The following TEX36 variants were observed in gnomAD, a reference collection of about 807,000 sequenced individuals.
TEX36 encodes testis-expressed protein 36.
TEX36 carries 12 observed loss-of-function variants against 13.6 expected under a neutral mutation model. The ratio of observed to expected loss-of-function variants is 0.88; its 90% confidence interval spans 0.56 to 1.43. The LOEUF (loss-of-function observed/expected upper bound fraction) is 1.43. Ranked by LOEUF, TEX36 falls within the 40% of genes most tolerant of loss-of-function variation. The probability of loss-of-function intolerance (pLI) is 0.00; values close to 1 mark genes in which losing one functional copy is unlikely to be tolerated. For missense variants in TEX36, 224 were observed against 228.3 expected (o/e 0.98, Z 0.12); for synonymous variants, 93 against 83.0 (o/e 1.12, Z -0.65).
downstream of TEX36, among the ~76,000 whole-genome samples, chr10:125,654,737 C>CT (rs958718896): frequency 1.3e-5 from 2 of 152,104 alleles, no homozygotes; most frequent in African/African-American, 4.8e-5. Context: ...AACAAGGTAC[C>CT]TTTTTTCCCC....
chr10:125,658,401 G>T (rs1040450147), intron 3 of TEX36, among the ~76,000 whole-genome samples: 1 of 151,680 alleles, frequency 6.6e-6, no homozygotes, highest in African/African-American at 2.4e-5. Context: ...AGAAAGATAA[G>T]GTATTAAACT....
At chr10:125,590,805 A>G (rs147240238) in intron 3 of TEX36, among the ~76,000 whole-genome samples, 1,683 of 152,300 alleles carry the variant, frequency 0.011, 16 homozygotes, top group Admixed American at 0.025. Flanking sequence ...GTTTACACAA[A>G]CATGATGACA....
chr10:125,582,014 T>C (rs79299430), intron 3 of TEX36, among the ~76,000 whole-genome samples: 2,821 of 152,134 alleles, frequency 0.019, 29 homozygotes, highest in Non-Finnish European at 0.03. Context: ...TCTTAGGGGG[T>C]AAGCAGGGGC....
intron 3 of TEX36, among the ~76,000 whole-genome samples, chr10:125,625,785 A>G (rs1846480578): frequency 6.6e-6 from 1 of 152,266 alleles, no homozygotes; most frequent in Non-Finnish European, 1.5e-5. Context: ...GACCCAGTGC[A>G]GAGCCACTTT....
At chr10:125,677,401 C>A (rs964879744) in intron 1 of TEX36, among the ~76,000 whole-genome samples, 6 of 152,028 alleles carry the variant, frequency 3.9e-5, no homozygotes, top group African/African-American at 9.7e-5. Context: ...CTTTTCAATT[C>A]TTTTTTATTT....
At chr10:125,606,095 AT>A (rs2133547276) in intron 3 of TEX36, among the ~76,000 whole-genome samples, 1 of 152,326 alleles carries the variant, frequency 6.6e-6, no homozygotes, top group African/African-American at 2.4e-5. Flanking sequence ...ATCTGAAGAC[AT>A]TCTTAGACTG....
chr10:125,620,372 C>T (rs138558962), downstream of TEX36, among the ~76,000 whole-genome samples: 7 of 152,308 alleles, frequency 4.6e-5, no homozygotes, highest in African/African-American at 1.7e-4. Flanking sequence ...TGAACATTTC[C>T]TCATTTGGCT....
In TEX36 at chr10:125,623,194, A is replaced by G. The variant is rs564441345; in HGVS notation, c.265-1549T>C. 7.9e-5 allele frequency among the ~76,000 whole-genome samples: 12 copies of G among 152,304 alleles called. No homozygotes were observed. The South Asian group carries it at 2.5e-3, about 32-fold the overall frequency. On this transcript the variant is annotated intron_variant, in intron 3 of 3. Transcript: ENST00000526819. ...CTAGTTGGTGTTGTAAGGCCATTCC[A>G]CTGTTCTATCAATCCAGCTGCTTCA...
chr10:125,628,107 A>T (rs1846508937), intron 3 of TEX36, among the ~76,000 whole-genome samples: 1 of 152,254 alleles, frequency 6.6e-6, no homozygotes, highest in Non-Finnish European at 1.5e-5. Flanking sequence ...ATGTAATGAT[A>T]AGAAGCATTT....
At chr10:125,678,292 A>T (rs1417237670) in intron 1 of TEX36, among the ~76,000 whole-genome samples, 4 of 152,136 alleles carry the variant, frequency 2.6e-5, no homozygotes, top group Non-Finnish European at 4.4e-5. Context: ...CTGTAACCAC[A>T]ATTAGTGGTA....
intron 1 of TEX36, among the ~76,000 whole-genome samples, chr10:125,679,747 A>G (rs1847366757): frequency 6.6e-6 from 1 of 152,172 alleles, no homozygotes; most frequent in African/African-American, 2.4e-5. Flanking sequence ...CTTGGATAAC[A>G]TATTTGAAGT....
chr10:125,589,258 T>C (rs1352846134), intron 3 of TEX36, among the ~76,000 whole-genome samples: 2 of 152,272 alleles, frequency 1.3e-5, no homozygotes, highest in Non-Finnish European at 2.9e-5. Flanking sequence ...AGTTTGTCAG[T>C]TGACCCTGTT....
intron 1 of TEX36, among the ~76,000 whole-genome samples, chr10:125,679,153 G>A (rs1205944303): frequency 2.9e-5 from 2 of 68,604 alleles, no homozygotes; most frequent in Non-Finnish European, 5.1e-5. Flanking sequence ...CCCCGCCCCC[G>A]CCAAGCTGAC....
At chr10:125,667,594 T>G (rs1847144213) in intron 1 of TEX36, 3 of 735,322 alleles carry the variant, frequency 4.1e-6, no homozygotes, top group Non-Finnish European at 7.7e-6. Context: ...TCTCGCCATT[T>G]GTCCCTGCAA....
chr10:125,656,499 C>T (rs1215944204), intron 3 of TEX36, among the ~76,000 whole-genome samples: 4 of 152,154 alleles, frequency 2.6e-5, no homozygotes, highest in African/African-American at 7.2e-5. Flanking sequence ...CTCAGGCAAT[C>T]TGCCCGCCTC....
intron 3 of TEX36, among the ~76,000 whole-genome samples, chr10:125,610,900 G>A (rs965648613): frequency 6.6e-6 from 1 of 152,056 alleles, no homozygotes; most frequent in African/African-American, 2.4e-5. Flanking sequence ...ATCCCAGTGT[G>A]GTTCATTGAA....
chr10:125,580,026 C>T (rs188679337), intron 3 of TEX36, among the ~76,000 whole-genome samples: 2 of 152,224 alleles, frequency 1.3e-5, no homozygotes, highest in Admixed American at 1.3e-4. Context: ...TAGAAAGTAC[C>T]TGTTGGGTAC....
downstream of TEX36, among the ~76,000 whole-genome samples, chr10:125,651,703 A>G: frequency 6.6e-6 from 1 of 152,228 alleles, no homozygotes; most frequent in East Asian, 1.9e-4. Flanking sequence ...GAGGAAGTCA[A>G]ATTGTCCCTG....
At chr10:125,655,370 A>G (rs1332813995), downstream of TEX36, among the ~76,000 whole-genome samples, 1 of 152,316 alleles carries the variant, frequency 6.6e-6, no homozygotes, top group East Asian at 1.9e-4. Flanking sequence ...GCTTGAACCC[A>G]GAAGGCAGAG....
Sources: allele counts gnomAD v4.1 joint callset (sites outside exome capture counted in the v4.1 genomes callset), GRCh38; gene constraint gnomAD v4.1.1; transcripts MANE v1.5; gene names NCBI Gene and HGNC (gene_info 2026-07-23, HGNC 2026-07-21).